The following DDX60L variants were observed in gnomAD, a reference collection of about 807,000 sequenced individuals.
The protein encoded by DDX60L is probable ATP-dependent RNA helicase DDX60-like.
In DDX60L, 191 loss-of-function variants were observed where a neutral mutation model predicts 211.6. The ratio of observed to expected loss-of-function variants is 0.90; its 90% confidence interval spans 0.80 to 1.02. The LOEUF (loss-of-function observed/expected upper bound fraction) is 1.02, where lower values mean the gene tolerates loss of function less well. Among genes scored for constraint, DDX60L ranks in the 50% least tolerant of loss-of-function variants. DDX60L has a pLI of 0.00. For missense variants in DDX60L, 2,007 were observed against 1,984.1 expected (o/e 1.01, Z -0.22); for synonymous variants, 706 against 694.1 (o/e 1.02, Z -0.27).
Position 168,453,487 on chromosome 4 carries a change from C to T in DDX60L, c.838-205G>A, listed in dbSNP as rs117382109. On this transcript the variant is annotated intron_variant, in intron 7 of 37. Transcript: ENST00000682922. Reference sequence around the variant, plus strand: ...TCCAGGCTTAGTAGTTCACATAATGCATTTCTTATGATTTTCAGTGAAGCT... The same window carrying T: ...TCCAGGCTTAGTAGTTCACATAATGTATTTCTTATGATTTTCAGTGAAGCT... Among the ~76,000 whole-genome samples, 18 of 152,252 alleles carry T rather than the reference C, an allele frequency of 1.2e-4. 1 individual carries two copies. In the East Asian group the frequency reaches 2.5e-3, roughly 21 times the overall value.
At chr4:168,479,442 G>A (rs780785716) in intron 1 of DDX60L, among the ~76,000 whole-genome samples, 3 of 152,082 alleles carry the variant, frequency 2.0e-5, no homozygotes, top group Admixed American at 1.3e-4. Flanking sequence ...ACTTCTTATT[G>A]TGTCTTTAAA....
intron 7 of DDX60L, among the ~76,000 whole-genome samples, chr4:168,455,173 TTTTC>T (rs1452610820): frequency 6.6e-6 from 1 of 152,004 alleles, no homozygotes; most frequent in Non-Finnish European, 1.5e-5. Context: ...ATTTCTTTCT[TTTTC>T]TTTTTCTTTT....
chr4:168,371,372 T>C (rs1485913655), intron 36 of DDX60L, among the ~76,000 whole-genome samples: 1 of 148,984 alleles, frequency 6.7e-6, no homozygotes. Context: ...GAGTTTCTAA[T>C]CACCAGAAAT....
At chr4:168,391,511 C>CA (rs775696040) in intron 29 of DDX60L, 29 bp downstream of exon 29, 22 of 1,388,320 alleles carry the variant, frequency 1.6e-5, no homozygotes, top group Non-Finnish European at 2.1e-5. Flanking sequence ...CAGCTTTCAG[C>CA]AATGGGAGTT....
At chr4:168,453,949 G>A (rs905808369) in intron 7 of DDX60L, among the ~76,000 whole-genome samples, 4 of 152,070 alleles carry the variant, frequency 2.6e-5, no homozygotes, top group African/African-American at 9.7e-5. Context: ...GGCAAATAGA[G>A]TAAAGGAGAT....
Position 168,446,904 on chromosome 4 carries a change from G to A in DDX60L, c.1138+1734C>T, listed in dbSNP as rs1310031153. On this transcript the variant is annotated intron_variant, in intron 9 of 37. Coordinates refer to ENST00000682922, the MANE Select transcript of DDX60L (RefSeq NM_001012967.3). ...TTCAAGATGGATTAAAGACTTAAAC[G>A]TTAGACCTAAAACCATAAAAACCCT... 6.5e-5 allele frequency among the ~76,000 whole-genome samples: 7 copies of A among 107,902 alleles called. 1 individual carries two copies. The highest frequency in any genetic ancestry group is 2.6e-4 in the East Asian group (1 of 3,856). The allele number at this position is 107,902 out of a possible 152,430, so 70.8% of individuals were successfully genotyped here.
At chr4:168,358,347 G>C (rs1001425172) in intron 37 of DDX60L, 71 bp from the exon 38 acceptor site, 27 of 1,174,558 alleles carry the variant, frequency 2.3e-5, no homozygotes, top group Non-Finnish European at 2.9e-5. Flanking sequence ...TTATTAAAAG[G>C]TTAGCAGAAG....
rs201217085 is a variant in DDX60L, at chr4:168,471,738, A to G, written c.264+9T>C. On this transcript the variant is annotated intron_variant, in intron 4 of 37. Coordinates refer to ENST00000682922, the MANE Select transcript of DDX60L (RefSeq NM_001012967.3). Reference sequence around the variant, plus strand: ...AAGGACTAAAACGACATCAATCATCATATATTACCTTAAAGAAAACTATGG... The same window carrying G: ...AAGGACTAAAACGACATCAATCATCGTATATTACCTTAAAGAAAACTATGG... 3.5e-4 allele frequency: 552 copies of G among 1,580,508 alleles called. 4 individuals carry two copies. In the African/African-American group the frequency reaches 6.4e-3, roughly 18 times the overall value.
intron 18 of DDX60L, among the ~76,000 whole-genome samples, 153 bp downstream of exon 18, chr4:168,420,108 A>G (rs565910375): frequency 6.6e-6 from 1 of 152,350 alleles, no homozygotes; most frequent in East Asian, 1.9e-4. Flanking sequence ...AGAGTAGAAC[A>G]ACCTTAAATT....
chr4:168,364,376 C>T (rs917995159), intron 36 of DDX60L, among the ~76,000 whole-genome samples: 3 of 151,948 alleles, frequency 2.0e-5, no homozygotes, highest in Admixed American at 6.6e-5. Context: ...ATTCTATATA[C>T]CAAAACATCC....
chr4:168,421,186 G>T (rs970418793), intron 17 of DDX60L, among the ~76,000 whole-genome samples: 1 of 151,708 alleles, frequency 6.6e-6, no homozygotes, highest in Non-Finnish European at 1.5e-5. Context: ...AAAAGGAAAG[G>T]GGAGAGAGAA....
At chr4:168,406,400 G>C (rs900168340) in intron 23 of DDX60L, among the ~76,000 whole-genome samples, 2 of 152,128 alleles carry the variant, frequency 1.3e-5, no homozygotes, top group African/African-American at 4.8e-5. Flanking sequence ...ATATTTTTGA[G>C]AATTACAGAA....
chr4:168,366,521 T>C (rs368597988), intron 36 of DDX60L, among the ~76,000 whole-genome samples: 34 of 152,060 alleles, frequency 2.2e-4, no homozygotes, highest in East Asian at 1.7e-3. Flanking sequence ...GTTCAGGGAA[T>C]GAAAAAAATA....
chr4:168,465,338 T>G (rs1757846315), intron 4 of DDX60L, among the ~76,000 whole-genome samples: 1 of 152,092 alleles, frequency 6.6e-6, no homozygotes, highest in African/African-American at 2.4e-5. Context: ...TTTAATTGGA[T>G]TATCTTTTTT....
In DDX60L at chr4:168,421,865, A is replaced by G; in HGVS notation, c.2289T>C (p.Ile763=). 1.2e-6 allele frequency: 2 copies of G among 1,614,204 alleles called. No homozygotes were observed. Among genetic ancestry groups the G allele is most frequent in the African/African-American group, 2.7e-5 (2 of 75,052 alleles). Residue 763 remains isoleucine (I), a synonymous_variant, in exon 17 of 38, where the codon ATT becomes ATC. Coordinates refer to ENST00000682922, the MANE Select transcript of DDX60L (RefSeq NM_001012967.3). ...DVVDKNESAV[I]VAPTSSGKTY... ...TTTTGCCTGAGGACGTTGGGGCAACAATCACTGCTGACTCATTCTTATCTA... is the reference window on the plus strand; with the variant it reads ...TTTTGCCTGAGGACGTTGGGGCAACGATCACTGCTGACTCATTCTTATCTA...
At chr4:168,466,096 GT>G (rs1360250876) in intron 4 of DDX60L, among the ~76,000 whole-genome samples, 1 of 151,862 alleles carries the variant, frequency 6.6e-6, no homozygotes, top group Non-Finnish European at 1.5e-5. Flanking sequence ...AAATTTTACT[GT>G]TCATAAATAG....
At chr4:168,384,030 T>C (rs1743421456) in intron 30 of DDX60L, among the ~76,000 whole-genome samples, 2 of 152,144 alleles carry the variant, frequency 1.3e-5, no homozygotes, top group Admixed American at 1.3e-4. Context: ...TAGACTGACT[T>C]AGTCTCCCAA....
chr4:168,421,649 T>C (rs1750642301), intron 17 of DDX60L, 111 bp downstream of exon 17: 5 of 1,432,596 alleles, frequency 3.5e-6, no homozygotes, highest in African/African-American at 1.4e-5. Context: ...AGCAAGACTC[T>C]GTCTCAAAAA....
Position 168,415,773 on chromosome 4 carries a change from C to T in DDX60L, c.2753G>A (p.Trp918Ter), listed in dbSNP as rs1306235808. 7 of 1,576,106 alleles carry T rather than the reference C, an allele frequency of 4.4e-6. No homozygotes were observed. In the South Asian group the frequency reaches 8.3e-5, roughly 19 times the overall value. Residue 918 changes from tryptophan (W) to a stop codon, truncating the protein, a stop_gained, in exon 21 of 38, where the codon TGG (tryptophan) becomes TAG (stop). Transcript: ENST00000682922. LOFTEE classifies it high-confidence loss of function. ...TKWLQSVKQY[W>*]KQADKIMEEK... Reference sequence around the variant, plus strand: ...TTCCATAATCTTGTCTGCCTGTTTCCAGTACTGTTTTACTGATTGCAGCCA... The same window carrying T: ...TTCCATAATCTTGTCTGCCTGTTTCTAGTACTGTTTTACTGATTGCAGCCA...
Sources: gnomAD v4.1 joint callset for allele counts (sites outside exome capture counted in the v4.1 genomes callset) on GRCh38, gnomAD v4.1.1 for gene constraint, MANE v1.5 for transcripts, NCBI Gene and HGNC (gene_info 2026-07-23, HGNC 2026-07-21) for gene names.